Variants in SPOCK3 observed in about 807,000 individuals in gnomAD.
SPOCK3 encodes the protein testican-3.
In SPOCK3, 30 loss-of-function variants were observed where a neutral mutation model predicts 56.6. That is an observed-to-expected ratio of 0.53 (90% CI 0.40 to 0.72). The LOEUF (loss-of-function observed/expected upper bound fraction) is 0.72. SPOCK3 is among the 30% of genes least tolerant of loss of function. The pLI is 0.00. For missense variants in SPOCK3, 527 were observed against 530.0 expected (o/e 0.99, Z 0.06); for synonymous variants, 196 against 183.3 (o/e 1.07, Z -0.56).
At chr4:167,134,164 G>A (rs1762926156) in intron 2 of SPOCK3, among the ~76,000 whole-genome samples, 1 of 151,304 alleles carries the variant, frequency 6.6e-6, no homozygotes, top group African/African-American at 2.4e-5. Flanking sequence ...GAGTAGCTGG[G>A]ACTACAGGTG....
chr4:166,938,226 A>T (rs1740664680), intron 4 of SPOCK3, among the ~76,000 whole-genome samples: 1 of 145,338 alleles, frequency 6.9e-6, no homozygotes, highest in Non-Finnish European at 1.5e-5. Flanking sequence ...CTATAAATTA[A>T]TACAAATACA....
At chr4:167,046,362 T>C (rs1292794704) in intron 3 of SPOCK3, among the ~76,000 whole-genome samples, 2 of 151,922 alleles carry the variant, frequency 1.3e-5, no homozygotes, top group Admixed American at 6.6e-5. Flanking sequence ...CAGTGCTTGT[T>C]GTCTGACACA....
chr4:166,971,443 A>C (rs1255531829), intron 4 of SPOCK3, among the ~76,000 whole-genome samples: 2 of 152,130 alleles, frequency 1.3e-5, no homozygotes, highest in Non-Finnish European at 1.5e-5. Context: ...ACTTACATTC[A>C]TGTCTGTGGC....
chr4:166,942,688 A>T (rs1475356845), intron 4 of SPOCK3, among the ~76,000 whole-genome samples: 1 of 152,152 alleles, frequency 6.6e-6, no homozygotes, highest in Non-Finnish European at 1.5e-5. Context: ...GGTAGAAAAG[A>T]TTAGACTAAG....
At chr4:166,902,881 AT>A in intron 5 of SPOCK3, among the ~76,000 whole-genome samples, 1 of 150,740 alleles carries the variant, frequency 6.6e-6, no homozygotes, top group South Asian at 2.1e-4. Context: ...ATCTTTTTAA[AT>A]GTTTAAATGT....
At chr4:166,798,005 C>T (rs1186654624) in intron 6 of SPOCK3, among the ~76,000 whole-genome samples, 1 of 152,106 alleles carries the variant, frequency 6.6e-6, no homozygotes, top group Non-Finnish European at 1.5e-5. Context: ...GGAGCTGAAA[C>T]ATTCCTATTG....
intron 2 of SPOCK3, among the ~76,000 whole-genome samples, chr4:167,227,537 A>G (rs1020432826): frequency 6.6e-6 from 1 of 152,090 alleles, no homozygotes. Flanking sequence ...ATGGAGAGGA[A>G]GGGAGACTAC....
chr4:167,065,211 A>C (rs929764495), intron 2 of SPOCK3, among the ~76,000 whole-genome samples: 7 of 151,714 alleles, frequency 4.6e-5, no homozygotes, highest in Admixed American at 6.6e-5. Context: ...TTTATTGTTA[A>C]TAGTGAGTCC....
rs745340899 is a variant in SPOCK3 at position 166,754,557 on chromosome 4, G to A, written c.882C>T (p.Asp294=). The A allele has an allele frequency of 9.9e-6, 16 of 1,613,372 alleles. No homozygotes were observed. The highest frequency in any genetic ancestry group is 1.4e-5 in the Non-Finnish European group (16 of 1,179,694). Reference sequence around the variant, plus strand: ...ACCACTCATTATTAGATATTAAACTGTCCTTGTATGTGTCACAAGAATTGA... The same window carrying A: ...ACCACTCATTATTAGATATTAAACTATCCTTGTATGTGTCACAAGAATTGA... ...AFFNSCDTYK[D]SLISNNEWCY... Residue 294 remains aspartate, a synonymous_variant, in exon 8 of 11, where the codon GAC becomes GAT. Transcript: ENST00000357545.
intron 2 of SPOCK3, among the ~76,000 whole-genome samples, chr4:167,140,145 A>T (rs1277814903): frequency 6.6e-6 from 1 of 152,014 alleles, no homozygotes; most frequent in African/African-American, 2.4e-5. Flanking sequence ...CTTACCTTTG[A>T]TTTCCTTCTG....
chr4:167,044,724 T>C (rs985542140), intron 3 of SPOCK3, among the ~76,000 whole-genome samples: 2 of 152,136 alleles, frequency 1.3e-5, no homozygotes, highest in Non-Finnish European at 2.9e-5. Context: ...TGGAATTTTC[T>C]GGTTATCTTT....
At chr4:167,129,048 A>T (rs1762509104) in intron 2 of SPOCK3, among the ~76,000 whole-genome samples, 1 of 152,120 alleles carries the variant, frequency 6.6e-6, no homozygotes, top group African/African-American at 2.4e-5. Context: ...CACTGACAAC[A>T]TCTCCTAAGA....
chr4:167,008,362 A>T (rs913979568), intron 3 of SPOCK3, among the ~76,000 whole-genome samples: 1 of 152,076 alleles, frequency 6.6e-6, no homozygotes, highest in Non-Finnish European at 1.5e-5. Context: ...GACATTTATA[A>T]TTCTTAGCAA....
chr4:167,209,919 A>T (rs1734705511), intron 2 of SPOCK3, among the ~76,000 whole-genome samples: 1 of 152,158 alleles, frequency 6.6e-6, no homozygotes, highest in African/African-American at 2.4e-5. Flanking sequence ...TTCTATTTTG[A>T]ATCAAATATA....
intron 6 of SPOCK3, among the ~76,000 whole-genome samples, chr4:166,844,823 C>A (rs552901950): frequency 6.6e-6 from 1 of 152,054 alleles, no homozygotes; most frequent in Non-Finnish European, 1.5e-5. Context: ...TCTGGAGAAC[C>A]CTGGCTAATA....
At chr4:167,044,058 A>G (rs932701039) in intron 3 of SPOCK3, among the ~76,000 whole-genome samples, 5 of 152,134 alleles carry the variant, frequency 3.3e-5, no homozygotes, top group Non-Finnish European at 7.4e-5. Flanking sequence ...TCACCAGTAT[A>G]TCCAACTGAG....
At chr4:166,900,107 T>C (rs988482724) in intron 5 of SPOCK3, among the ~76,000 whole-genome samples, 1 of 152,190 alleles carries the variant, frequency 6.6e-6, no homozygotes, top group Non-Finnish European at 1.5e-5. Context: ...CAAACCTCTA[T>C]TGAGACTTTT....
chr4:166,964,405 T>G (rs1744477857), intron 4 of SPOCK3, among the ~76,000 whole-genome samples: 1 of 151,772 alleles, frequency 6.6e-6, no homozygotes, highest in African/African-American at 2.4e-5. Flanking sequence ...GTCTCAACCA[T>G]ATTGTTATTG....
At chr4:167,055,169 G>C (rs966210509) in intron 3 of SPOCK3, among the ~76,000 whole-genome samples, 1 of 151,350 alleles carries the variant, frequency 6.6e-6, no homozygotes, top group African/African-American at 2.5e-5. Flanking sequence ...AATGAAAAAG[G>C]GGAAAATCAA....
Sources: allele counts gnomAD v4.1 joint callset (sites outside exome capture counted in the v4.1 genomes callset), GRCh38; gene constraint gnomAD v4.1.1; transcripts MANE v1.5; gene names NCBI Gene and HGNC (gene_info 2026-07-23, HGNC 2026-07-21).